Variants in PLEKHA5 observed in about 807,000 individuals in gnomAD.
PLEKHA5 encodes the protein pleckstrin homology domain containing A5.
Under a neutral mutation model 181.9 loss-of-function variants are expected in PLEKHA5, and 55 were observed. The ratio of observed to expected loss-of-function variants is 0.30; its 90% CI spans 0.24 to 0.38. The LOEUF is 0.38. Among genes scored for constraint, PLEKHA5 ranks in the 10% least tolerant of loss-of-function variants. The pLI is 1.00. For missense variants in PLEKHA5, 1,432 were observed against 1,549.5 expected (o/e 0.92, Z 1.27); for synonymous variants, 535 against 529.4 (o/e 1.01, Z -0.15).
rs1301326631 is a variant in PLEKHA5 at position 19,266,149 on chromosome 12, C to T, written c.711+299C>T. On this transcript the variant is annotated intron_variant, in intron 8 of 31. Transcript: ENST00000429027. Reference sequence around the variant, plus strand: ...TATGGATGTCCTGGTGATTATTATACGTTTTTTCAACGTTACTGTATGTTT... The same window carrying T: ...TATGGATGTCCTGGTGATTATTATATGTTTTTTCAACGTTACTGTATGTTT... 2.6e-5 allele frequency among the ~76,000 whole-genome samples: 4 copies of T among 151,926 alleles called. No individual in the cohort carries two copies. In the South Asian group the frequency reaches 6.2e-4, roughly 24 times the overall value.
intron 3 of PLEKHA5, among the ~76,000 whole-genome samples, chr12:19,183,863 A>C (rs993496997): frequency 5.9e-5 from 9 of 152,188 alleles, no homozygotes; most frequent in African/African-American, 2.2e-4. Flanking sequence ...ACAGGTGTGC[A>C]CCACCACGCC....
intron 3 of PLEKHA5, among the ~76,000 whole-genome samples, chr12:19,218,782 G>C (rs887908409): frequency 1.3e-5 from 2 of 151,444 alleles, no homozygotes; most frequent in Non-Finnish European, 2.9e-5. Flanking sequence ...TATATATTGT[G>C]TTTACTTATT....
intron 15 of PLEKHA5, among the ~76,000 whole-genome samples, chr12:19,298,770 C>T (rs958509531): frequency 1.4e-4 from 22 of 152,208 alleles, no homozygotes; most frequent in African/African-American, 4.6e-4. Flanking sequence ...TTGCTATTAA[C>T]GTTGGTCATG....
chr12:19,218,311 T>TA (rs2058346593), intron 3 of PLEKHA5, among the ~76,000 whole-genome samples: 1 of 152,158 alleles, frequency 6.6e-6, no homozygotes, highest in Non-Finnish European at 1.5e-5. Context: ...CCTCCAGTGT[T>TA]ACATGAGAAA....
chr12:19,135,362 G>A lies in PLEKHA5; in HGVS notation c.227+2912G>A, dbSNP rs1294616328. On this transcript the variant is annotated intron_variant, in intron 3 of 31. Coordinates refer to ENST00000429027, the MANE Select transcript of PLEKHA5 (RefSeq NM_001256470.2). ...AATGACTTTGGAGCTCAGTCTTCAC[G>A]TCTTTAAATTAGGTTACCTGGAAAA... Among the ~76,000 whole-genome samples the A allele has an allele frequency of 5.9e-5, 9 of 152,190 alleles. 1 individual carries two copies. In the South Asian group the frequency reaches 1.5e-3, roughly 25 times the overall value.
chr12:19,139,179 GA>G (rs1419484005), intron 3 of PLEKHA5, among the ~76,000 whole-genome samples: 1 of 152,034 alleles, frequency 6.6e-6, no homozygotes, highest in East Asian at 1.9e-4. Flanking sequence ...GAGGTTGACA[GA>G]AAAAAAGAGG....
At chr12:19,245,536 T>C (rs2063503497) in intron 3 of PLEKHA5, among the ~76,000 whole-genome samples, 1 of 151,908 alleles carries the variant, frequency 6.6e-6, no homozygotes, top group Non-Finnish European at 1.5e-5. Flanking sequence ...GAGACCAGCC[T>C]GGCCAATATG....
In PLEKHA5 at chr12:19,346,999, G is replaced by A. The variant is rs896536156; in HGVS notation, c.2715G>A (p.Glu905=). 2.2e-5 allele frequency: 34 copies of A among 1,545,212 alleles called. No individual in the cohort carries two copies. The highest frequency in any genetic ancestry group is 3.0e-5 in the Non-Finnish European group (34 of 1,143,226). Residue 905 remains glutamate, a synonymous_variant, in exon 24 of 32, where the codon GAG becomes GAA. Transcript: ENST00000429027. ...GACTGTTCTACAATCTTTAGGAAGA[G>A]GAAGTAGTCCCACCTCGTCCTCCAC... ...FSTVKYKNEE[E]EVVPPRPPLP...
intron 3 of PLEKHA5, among the ~76,000 whole-genome samples, chr12:19,142,795 G>T (rs2037790865): frequency 6.6e-6 from 1 of 151,984 alleles, no homozygotes; most frequent in Admixed American, 6.6e-5. Context: ...TACTCACTTT[G>T]ATCTGCATAT....
chr12:19,135,141 T>C (rs2035229076), intron 3 of PLEKHA5, among the ~76,000 whole-genome samples: 1 of 152,198 alleles, frequency 6.6e-6, no homozygotes, highest in Non-Finnish European at 1.5e-5. Context: ...TCTGCTTCCA[T>C]TGTGAAGTGA....
chr12:19,200,849 T>C (rs1767448430), intron 3 of PLEKHA5: 1 of 173,580 alleles, frequency 5.8e-6, no homozygotes, highest in Non-Finnish European at 1.1e-5. Flanking sequence ...TATTATCATA[T>C]CATGCACAAA....
intron 21 of PLEKHA5, among the ~76,000 whole-genome samples, chr12:19,340,960 AAAG>A (rs1565638241): frequency 8.5e-6 from 1 of 117,834 alleles, no homozygotes; most frequent in Non-Finnish European, 1.8e-5. Context: ...AAAAAAAAAA[AAAG>A]AAAGAAAAGA....
At chr12:19,255,389 T>C (rs1030357840) in intron 5 of PLEKHA5, among the ~76,000 whole-genome samples, 1 of 152,096 alleles carries the variant, frequency 6.6e-6, no homozygotes, top group African/African-American at 2.4e-5. Flanking sequence ...TACATTGATA[T>C]TTGTGAGAGA....
intron 29 of PLEKHA5, among the ~76,000 whole-genome samples, chr12:19,362,100 C>T (rs151249137): frequency 1.4e-5 from 2 of 139,102 alleles, no homozygotes; most frequent in Middle Eastern, 3.8e-3. Context: ...CCCAAGAGCT[C>T]GAGGCTGCAG....
rs567840103 is a variant in PLEKHA5, at chr12:19,267,258, A to G, written c.711+1408A>G. On this transcript the variant is annotated intron_variant, in intron 8 of 31. Transcript: ENST00000429027. ...GAGGGGGGAAGTGCTGCTGGTTAAC[A>G]ATGAACATGTTTGTACCATTATAAA... 3.9e-5 allele frequency among the ~76,000 whole-genome samples: 6 copies of G among 152,322 alleles called. No homozygotes were observed. The South Asian group carries it at 1.2e-3, about 32-fold the overall frequency.
chr12:19,226,377 T>C (rs2059690756), intron 3 of PLEKHA5, among the ~76,000 whole-genome samples: 1 of 152,230 alleles, frequency 6.6e-6, no homozygotes, highest in South Asian at 2.1e-4. Flanking sequence ...CTTTTGGCTA[T>C]TATGAATAGT....
chr12:19,293,476 T>A (rs907445420), intron 15 of PLEKHA5, among the ~76,000 whole-genome samples: 2 of 152,188 alleles, frequency 1.3e-5, no homozygotes, highest in Non-Finnish European at 2.9e-5. Flanking sequence ...ATGCACTTTG[T>A]ATATTATGCA....
intron 3 of PLEKHA5, among the ~76,000 whole-genome samples, chr12:19,190,017 T>G (rs1198154741): frequency 2.0e-5 from 3 of 152,186 alleles, no homozygotes; most frequent in African/African-American, 4.8e-5. Flanking sequence ...TGTTAAAATC[T>G]GCTTACAACG....
intron 31 of PLEKHA5, among the ~76,000 whole-genome samples, chr12:19,370,530 T>TAAG (rs1565676865): frequency 2.6e-5 from 4 of 152,030 alleles, no homozygotes; most frequent in African/African-American, 9.7e-5. Context: ...TGGTGTAGAG[T>TAAG]AAGAATGTTA....
Sources: gnomAD v4.1 joint callset for allele counts (sites outside exome capture counted in the v4.1 genomes callset) on GRCh38, gnomAD v4.1.1 for gene constraint, MANE v1.5 for transcripts, NCBI Gene and HGNC (gene_info 2026-07-23, HGNC 2026-07-21) for gene names.